The following TRPC7 variants were observed in gnomAD, a reference collection of about 807,000 sequenced individuals.
TRPC7 encodes the protein transient receptor potential cation channel subfamily C member 7, also known as short transient receptor potential channel 7.
In TRPC7, 42 loss-of-function variants were observed where a neutral mutation model predicts 90.1. The ratio of observed to expected loss-of-function variants is 0.47; its 90% CI spans 0.36 to 0.60. TRPC7 has a LOEUF of 0.60. Among genes scored for constraint, TRPC7 ranks in the 20% least tolerant of loss-of-function variants. The pLI, the probability that TRPC7 is intolerant of heterozygous loss-of-function variation, is 0.00. For missense variants in TRPC7, 955 were observed against 1,112.3 expected (o/e 0.86, Z 2.01); for synonymous variants, 451 against 436.3 (o/e 1.03, Z -0.42).
chr5:136,308,709 C>T (rs778644767), intron 3 of TRPC7, among the ~76,000 whole-genome samples: 7 of 152,238 alleles, frequency 4.6e-5, no homozygotes, highest in Non-Finnish European at 7.3e-5. Flanking sequence ...TGTGCAGCTA[C>T]GGCTGGCATT....
At position 136,315,732 on chromosome 5, in the gene TRPC7, G is replaced by A. The variant is rs190572796; in HGVS notation, c.828C>T (p.Gly276=). The change falls in exon 3 of 12, where the codon GGC becomes GGT. Residue 276 remains glycine (G), a synonymous_variant. Transcript: ENST00000513104. ...CTGTGTCTCGGCACAGGTCCAGCAC[G>A]CCCACTACAAAATCCTTGCATTGCA... ...LSMQCKDFVV[G]VLDLCRDTEE... 269 of 1,613,974 alleles carry A rather than the reference G, an allele frequency of 1.7e-4. No individual in the cohort carries two copies. The highest frequency in any genetic ancestry group is 2.2e-4 in the Admixed American group (13 of 60,004).
chr5:136,282,968 G>A (rs1327591229), intron 3 of TRPC7, among the ~76,000 whole-genome samples: 7 of 152,144 alleles, frequency 4.6e-5, no homozygotes, highest in African/African-American at 1.7e-4. Context: ...GGACGACAGG[G>A]GATTGTTTCA....
At position 136,226,073 on chromosome 5, in the gene TRPC7, T is replaced by C. The variant is rs758555309; in HGVS notation, c.2223A>G (p.Glu741=). 4 of 1,604,374 alleles carry C rather than the reference T, an allele frequency of 2.5e-6. No homozygotes were observed. The South Asian group carries it at 4.5e-5, about 18-fold the overall frequency. ...KLCKSKAKSC[E]NDLEMGMLNS... Reference sequence around the variant, plus strand: ...TCAGCATGCCCATTTCAAGGTCATTTTCACAGCTTTTGGCCTTAGATTTGC... The same window carrying C: ...TCAGCATGCCCATTTCAAGGTCATTCTCACAGCTTTTGGCCTTAGATTTGC... Residue 741 remains glutamate, a synonymous_variant, in exon 9 of 12, where the codon GAA becomes GAG. Transcript: ENST00000513104.
intron 1 of TRPC7, 44 bp downstream of exon 1, chr5:136,365,209 C>T (rs1311320495): frequency 6.6e-7 from 1 of 1,515,444 alleles, no homozygotes. Context: ...ACAACCTCTA[C>T]TGGAAAAAAA....
chr5:136,281,615 T>C (rs953135589), intron 3 of TRPC7, among the ~76,000 whole-genome samples: 10 of 152,136 alleles, frequency 6.6e-5, no homozygotes, highest in African/African-American at 1.7e-4. Flanking sequence ...CAAACATTCA[T>C]GGGGTTGGGA....
At chr5:136,281,663 A>G (rs776291610) in intron 3 of TRPC7, among the ~76,000 whole-genome samples, 3 of 152,178 alleles carry the variant, frequency 2.0e-5, no homozygotes, top group Non-Finnish European at 4.4e-5. Flanking sequence ...CCACGTGTCA[A>G]TACAAGCTCC....
At chr5:136,256,215 C>G (rs1358772722) in intron 5 of TRPC7, among the ~76,000 whole-genome samples, 2 of 152,134 alleles carry the variant, frequency 1.3e-5, no homozygotes, top group African/African-American at 4.8e-5. Context: ...CCTCCTGCCC[C>G]TCCCATTGCT....
Position 136,229,897 on chromosome 5 carries a change from G to A in TRPC7, c.2040+1457C>T, listed in dbSNP as rs1016302787. On this transcript the variant is annotated intron_variant, in intron 8 of 11. Coordinates refer to ENST00000513104, the MANE Select transcript of TRPC7 (RefSeq NM_020389.3). ...TTCCCCAGAGGACGCCCGGTCAAAA[G>A]CCCTGTAGCCTCCTTGGAGTTCTTC... Among the ~76,000 whole-genome samples the A allele has an allele frequency of 2.8e-4, 43 of 152,164 alleles. 1 individual carries two copies. Among genetic ancestry groups the A allele is most frequent in the Admixed American group, 2.8e-3 (43 of 15,280 alleles).
intron 3 of TRPC7, among the ~76,000 whole-genome samples, chr5:136,312,304 G>T (rs895301218): frequency 6.6e-6 from 1 of 152,124 alleles, no homozygotes; most frequent in East Asian, 1.9e-4. Flanking sequence ...TTTTCCCAGG[G>T]AGACATTTCT....
intron 3 of TRPC7, among the ~76,000 whole-genome samples, chr5:136,301,332 ATTTTTTTTTT>A (rs368799815): frequency 4.7e-5 from 4 of 85,696 alleles, no homozygotes; most frequent in Non-Finnish European, 8.6e-5. Flanking sequence ...CAGCCCAGGC[ATTTTTTTTTT>A]TTTTTTTTTT....
At chr5:136,244,796 C>T (rs1230742888) in intron 7 of TRPC7, among the ~76,000 whole-genome samples, 1 of 152,192 alleles carries the variant, frequency 6.6e-6, no homozygotes, top group African/African-American at 2.4e-5. Flanking sequence ...CAGTTAATCA[C>T]TAAGTATTGG....
chr5:136,338,534 G>A lies in TRPC7; in HGVS notation c.780+18074C>T, dbSNP rs1043318724. ...GTGTCCTATCGCTCAGGCGGGACAT[G>A]TTTTGAAAGAAAGCCCAAGCCAGAT... On this transcript the variant is annotated intron_variant, in intron 2 of 11. Transcript: ENST00000513104. Among the ~76,000 whole-genome samples, 9 of 152,262 alleles carry A rather than the reference G, an allele frequency of 5.9e-5. No individual in the cohort carries two copies. The East Asian group carries it at 1.7e-3, about 29-fold the overall frequency.
intron 3 of TRPC7, among the ~76,000 whole-genome samples, chr5:136,287,724 A>AAAAAAAAAAAAAAAAAAAAAAAAAAAAC (rs1757776212): frequency 8.7e-6 from 1 of 114,838 alleles, no homozygotes; most frequent in Non-Finnish European, 1.9e-5. Flanking sequence ...AAAAAAAAAA[A>AAAAAAAAAAAAAAAAAAAAAAAAAAAAC]AAAAACCCAG....
chr5:136,349,048 A>C (rs1760102372), intron 2 of TRPC7, among the ~76,000 whole-genome samples: 1 of 152,058 alleles, frequency 6.6e-6, no homozygotes, highest in Non-Finnish European at 1.5e-5. Context: ...CAATTTTTTT[A>C]TGTGTAGTGA....
At chr5:136,284,378 G>A (rs1244376601) in intron 3 of TRPC7, among the ~76,000 whole-genome samples, 2 of 152,158 alleles carry the variant, frequency 1.3e-5, no homozygotes, top group Non-Finnish European at 2.9e-5. Flanking sequence ...GTCATACTTT[G>A]AATGTTAGTT....
At chr5:136,298,481 G>T (rs139143045) in intron 3 of TRPC7, among the ~76,000 whole-genome samples, 2 of 152,294 alleles carry the variant, frequency 1.3e-5, no homozygotes, top group Non-Finnish European at 2.9e-5. Flanking sequence ...GTCCTGCCAA[G>T]ATCATTAGAA....
Position 136,356,629 on chromosome 5 carries a change from G to A in TRPC7, c.759C>T (p.Ala253=). The change falls in exon 2 of 12, where the codon GCC becomes GCT. Residue 253 remains alanine, a synonymous_variant. Coordinates refer to ENST00000513104, the MANE Select transcript of TRPC7 (RefSeq NM_020389.3). ...TTACCTTAAATTCAGTCTCAATGTTGGCTAGTCTGGCTAACTCGTTGCTGA... is the reference window on the plus strand; with the variant it reads ...TTACCTTAAATTCAGTCTCAATGTTAGCTAGTCTGGCTAACTCGTTGCTGA... ...LELSNELARL[A]NIETEFKNDY... The A allele has an allele frequency of 6.5e-7, 1 of 1,542,764 alleles. No homozygotes were observed. Among genetic ancestry groups the A allele is most frequent in the Non-Finnish European group, 8.7e-7 (1 of 1,144,386 alleles).
chr5:136,284,323 A>G (rs763891435), intron 3 of TRPC7, among the ~76,000 whole-genome samples: 1 of 152,226 alleles, frequency 6.6e-6, no homozygotes, highest in Non-Finnish European at 1.5e-5. Context: ...GTGTGTGTAT[A>G]TTCACACATG....
At chr5:136,228,724 C>T (rs534228169) in intron 8 of TRPC7, among the ~76,000 whole-genome samples, 15 of 152,226 alleles carry the variant, frequency 9.9e-5, no homozygotes, top group African/African-American at 3.4e-4. Flanking sequence ...AATTAGTGTC[C>T]TCATGGAAGG....
Sources: gnomAD v4.1 joint callset for allele counts (sites outside exome capture counted in the v4.1 genomes callset) on GRCh38, gnomAD v4.1.1 for gene constraint, MANE v1.5 for transcripts, NCBI Gene and HGNC (gene_info 2026-07-23, HGNC 2026-07-21) for gene names.